Variants in LPCAT3 observed in about 807,000 individuals in gnomAD.
LPCAT3 encodes lysophosphatidylcholine acyltransferase 3, also known as lysophospholipid acyltransferase 5.
LPCAT3 carries 21 observed loss-of-function variants against 63.4 expected under a neutral mutation model. That is an observed-to-expected ratio of 0.33 (90% CI 0.23 to 0.48). The LOEUF (loss-of-function observed/expected upper bound fraction) is 0.48, where lower values mean the gene tolerates loss of function less well. Among genes scored for constraint, LPCAT3 ranks in the 20% least tolerant of loss-of-function variants. The pLI is 0.99. For synonymous variants in LPCAT3, 242 were observed against 227.5 expected (o/e 1.06, Z -0.58); for missense variants, 451 against 590.6 (o/e 0.76, Z 2.45).
Position 6,979,534 on chromosome 12 carries a change from T to C in LPCAT3, c.723A>G (p.Leu241=), listed in dbSNP as rs1056259216. ...LKRLSLGLFY[L]VGYTLLSPHI... ...GGGGGCTGAGCAGTGTGTAGCCCAC[T>C]AGGTAGAAAAGGCCCAGACTCAGGC... is the stretch of plus-strand genomic sequence containing the variant. Residue 241 remains leucine (L), a synonymous_variant, in exon 7 of 13, where the codon CTA becomes CTG. Transcript: ENST00000261407. 2.5e-6 allele frequency: 4 copies of C among 1,614,134 alleles called. No individual in the cohort carries two copies. The Admixed American group carries it at 5.0e-5, about 20-fold the overall frequency.
At chr12:6,985,906 C>G (rs1255141889) in intron 1 of LPCAT3, among the ~76,000 whole-genome samples, 1 of 151,444 alleles carries the variant, frequency 6.6e-6, no homozygotes, top group Non-Finnish European at 1.5e-5. Context: ...TCCCAAGTAG[C>G]TGGGATTACA....
intron 1 of LPCAT3, among the ~76,000 whole-genome samples, chr12:7,014,883 A>G (rs782664157): frequency 4.3e-4 from 57 of 131,606 alleles, no homozygotes; most frequent in African/African-American, 1.7e-3. Context: ...ACAGAGCGAG[A>G]CTCCGTCTCA....
At chr12:7,007,189 G>A (rs1248216225) in intron 1 of LPCAT3, among the ~76,000 whole-genome samples, 1 of 151,518 alleles carries the variant, frequency 6.6e-6, no homozygotes, top group Non-Finnish European at 1.5e-5. Context: ...GATTACAAGC[G>A]CCTGCCACCA....
intron 1 of LPCAT3, among the ~76,000 whole-genome samples, chr12:6,985,087 A>G (rs1946508078): frequency 1.3e-5 from 1 of 76,994 alleles, no homozygotes; most frequent in Admixed American, 1.7e-4. Flanking sequence ...TCCCCCATAC[A>G]TTAAAAAAAA....
intron 1 of LPCAT3, among the ~76,000 whole-genome samples, chr12:6,990,274 CT>C (rs1174561608): frequency 6.6e-6 from 1 of 151,554 alleles, no homozygotes. Flanking sequence ...CTTCGGGAGG[CT>C]GAGGCGGGCG....
intron 1 of LPCAT3, among the ~76,000 whole-genome samples, chr12:6,988,628 C>G (rs1476522143): frequency 6.6e-6 from 1 of 152,170 alleles, no homozygotes; most frequent in Non-Finnish European, 1.5e-5. Flanking sequence ...TGCTCACCCT[C>G]CCACTCATCA....
chr12:6,985,089 TAAAA>T (rs10559240), intron 1 of LPCAT3, among the ~76,000 whole-genome samples: 10 of 112,594 alleles, frequency 8.9e-5, no homozygotes, highest in Non-Finnish European at 1.1e-4. Context: ...CCCCATACAT[TAAAA>T]AAAAAAAAAA....
rs782669899 is a variant in LPCAT3, at chr12:7,009,165, G to A, written c.151+9109C>T. ...CAACCTCTGCCTCCTGGGTTCCAGC[G>A]ATTATCCTGTCTCAGCTTCCCAAGT... On this transcript the variant is annotated intron_variant, in intron 1 of 12. Coordinates refer to ENST00000261407, the MANE Select transcript of LPCAT3 (RefSeq NM_005768.6). 2.6e-5 allele frequency among the ~76,000 whole-genome samples: 4 copies of A among 152,148 alleles called. No individual in the cohort carries two copies. The East Asian group carries it at 5.8e-4, about 22-fold the overall frequency.
chr12:6,993,409 G>A (rs1946606961), intron 1 of LPCAT3, among the ~76,000 whole-genome samples: 1 of 151,674 alleles, frequency 6.6e-6, no homozygotes, highest in Admixed American at 6.6e-5. Flanking sequence ...ACTCCAGCCT[G>A]GCAACAGAGC....
chr12:6,994,568 G>C (rs782804721), intron 1 of LPCAT3, among the ~76,000 whole-genome samples: 2 of 152,260 alleles, frequency 1.3e-5, no homozygotes, highest in African/African-American at 4.8e-5. Context: ...CTAGGTTCAA[G>C]TGATCCTCCC....
chr12:7,006,671 C>T (rs73264659), intron 1 of LPCAT3, among the ~76,000 whole-genome samples: 20,588 of 152,134 alleles, frequency 0.14, 2,009 homozygotes, highest in African/African-American at 0.27. Context: ...TCTAGTAGTA[C>T]GGTTCAATAT....
At chr12:6,992,590 T>G (rs1355232893) in intron 1 of LPCAT3, among the ~76,000 whole-genome samples, 1 of 152,266 alleles carries the variant, frequency 6.6e-6, no homozygotes, top group Non-Finnish European at 1.5e-5. Flanking sequence ...TAAAGAAGTC[T>G]CAGGAACTTT....
chr12:6,983,420 T>C lies in LPCAT3; in HGVS notation c.259+12A>G, dbSNP rs1946490423. ...ACTAATTGCGGTGTCACTGCTAATTTAGTTTACTCACCAAAGTTAAAATAA... is the reference window on the plus strand; with the variant it reads ...ACTAATTGCGGTGTCACTGCTAATTCAGTTTACTCACCAAAGTTAAAATAA... On this transcript the variant is annotated intron_variant, in intron 2 of 12. Coordinates refer to ENST00000261407, the MANE Select transcript of LPCAT3 (RefSeq NM_005768.6). 1.9e-6 allele frequency: 3 copies of C among 1,553,632 alleles called. No homozygotes were observed. In the African/African-American group the frequency reaches 4.1e-5, roughly 21 times the overall value.
chr12:6,981,212 G>A, intron 5 of LPCAT3, 30 bp from the exon 6 acceptor site: 2 of 1,564,722 alleles, frequency 1.3e-6, no homozygotes, highest in South Asian at 2.4e-5. Context: ...CATGGTTCAG[G>A]ATAGCCTTGA....
At chr12:7,003,771 A>G (rs1054960340) in intron 1 of LPCAT3, among the ~76,000 whole-genome samples, 1 of 151,632 alleles carries the variant, frequency 6.6e-6, no homozygotes, top group Non-Finnish European at 1.5e-5. Flanking sequence ...AAATACAAAA[A>G]ATTAGCCGGG....
chr12:6,992,271 G>A (rs1315034546), intron 1 of LPCAT3, among the ~76,000 whole-genome samples: 2 of 151,806 alleles, frequency 1.3e-5, no homozygotes, highest in Non-Finnish European at 2.9e-5. Flanking sequence ...AAGTTGAGGC[G>A]GCAGTGAGCT....
chr12:7,004,629 A>ATG (rs1946713722), intron 1 of LPCAT3, among the ~76,000 whole-genome samples: 1 of 152,344 alleles, frequency 6.6e-6, no homozygotes, highest in Admixed American at 6.5e-5. Flanking sequence ...AATCCCATAC[A>ATG]TATGTGTATA....
At chr12:6,981,374 A>C in intron 5 of LPCAT3, 192 bp from the exon 6 acceptor site, 1 of 672,548 alleles carries the variant, frequency 1.5e-6, no homozygotes, top group Non-Finnish European at 2.5e-6. Flanking sequence ...TGCTTTAGCA[A>C]ATGCCTTGCT....
chr12:7,001,551 G>A (rs2138353508), intron 1 of LPCAT3: 1 of 455,778 alleles, frequency 2.2e-6, no homozygotes, highest in East Asian at 7.0e-5. Flanking sequence ...ATTTGGCGCG[G>A]TGTTGGTGTT....
Sources: allele counts gnomAD v4.1 joint callset (sites outside exome capture counted in the v4.1 genomes callset), GRCh38; gene constraint gnomAD v4.1.1; transcripts MANE v1.5; gene names NCBI Gene and HGNC (gene_info 2026-07-23, HGNC 2026-07-21).